MELK: variants seen among roughly 807,000 people sequenced by gnomAD.
The protein encoded by MELK is maternal embryonic leucine zipper kinase, also known as pEg3 kinase.
MELK carries 81 observed loss-of-function variants against 85.0 expected under a neutral mutation model. The observed-to-expected ratio is 0.95, with a 90% CI of 0.80 to 1.15. The LOEUF is 1.15. MELK is among the 50% of genes most tolerant of loss of function. The pLI, the probability that MELK is intolerant of heterozygous loss-of-function variation, is 0.00. For missense variants in MELK, 754 were observed against 777.5 expected (o/e 0.97, Z 0.36); for synonymous variants, 252 against 265.0 (o/e 0.95, Z 0.48).
At chr9:36,643,706 G>A (rs1230520757) in intron 11 of MELK, among the ~76,000 whole-genome samples, 1 of 152,128 alleles carries the variant, frequency 6.6e-6, no homozygotes, top group African/African-American at 2.4e-5. Context: ...AGGCTGAGGT[G>A]GGCGGATCAC....
intron 10 of MELK, among the ~76,000 whole-genome samples, chr9:36,634,224 G>A (rs1828900992): frequency 6.6e-6 from 1 of 152,146 alleles, no homozygotes; most frequent in African/African-American, 2.4e-5. Context: ...GATCATGGTG[G>A]CAAATAAAAG....
chr9:36,673,852 G>A (rs1298320867), intron 16 of MELK, among the ~76,000 whole-genome samples: 1 of 151,972 alleles, frequency 6.6e-6, no homozygotes, highest in Non-Finnish European at 1.5e-5. Flanking sequence ...ATATCATTAG[G>A]GTTTTTTTGT....
chr9:36,631,183 CG>C (rs1828573388), intron 9 of MELK, among the ~76,000 whole-genome samples: 1 of 151,648 alleles, frequency 6.6e-6, no homozygotes. Context: ...AGGCTGGTCT[CG>C]AACTCCTGAC....
chr9:36,574,430 CAAAAA>C (rs78915626), intron 1 of MELK, among the ~76,000 whole-genome samples: 2 of 79,920 alleles, frequency 2.5e-5, no homozygotes, highest in African/African-American at 3.6e-5. Context: ...ACTAAAAATA[CAAAAA>C]AAAAAAAAAA....
intron 8 of MELK, among the ~76,000 whole-genome samples, chr9:36,615,814 G>C (rs1182545154): frequency 6.7e-6 from 1 of 149,116 alleles, no homozygotes; most frequent in Non-Finnish European, 1.5e-5. Context: ...GGGAAGAGGC[G>C]CTCCTCACTT....
intron 1 of MELK, among the ~76,000 whole-genome samples, chr9:36,579,740 T>C (rs1489652035): frequency 2.0e-5 from 3 of 152,228 alleles, no homozygotes; most frequent in Non-Finnish European, 2.9e-5. Flanking sequence ...AAGATGGAGA[T>C]GGTATGAGTG....
intron 4 of MELK, among the ~76,000 whole-genome samples, chr9:36,590,638 C>T (rs1195725812): frequency 1.3e-5 from 2 of 152,198 alleles, no homozygotes; most frequent in African/African-American, 4.8e-5. Context: ...CAAGCAATTT[C>T]AAGTTTTAAC....
chr9:36,649,466 G>A (rs1830498384), intron 11 of MELK, among the ~76,000 whole-genome samples: 2 of 151,846 alleles, frequency 1.3e-5, no homozygotes, highest in East Asian at 1.9e-4. Context: ...CAGCCTGGGC[G>A]ACAGAGCAAA....
chr9:36,635,368 A>G (rs1829031693), intron 10 of MELK, among the ~76,000 whole-genome samples: 1 of 152,012 alleles, frequency 6.6e-6, no homozygotes, highest in Admixed American at 6.6e-5. Context: ...GTTTCAAGCA[A>G]TTCTCCTGCC....
At position 36,677,310 on chromosome 9, in the gene MELK, A is replaced by G; in HGVS notation, c.1929A>G (p.Glu643=). 1 of 1,613,506 alleles carries G rather than the reference A, an allele frequency of 6.2e-7. No homozygotes were observed. The highest frequency in any genetic ancestry group is 8.5e-7 in the Non-Finnish European group (1 of 1,179,710). The change falls in exon 18 of 18, where the codon GAA becomes GAG. Residue 643 remains glutamate, a synonymous_variant. Transcript: ENST00000298048. Reference sequence around the variant, plus strand: ...CCTGGGTTTACAAAAGATTAGTGGAAGACATCCTATCTAGCTGCAAGGTAT... The same window carrying G: ...CCTGGGTTTACAAAAGATTAGTGGAGGACATCCTATCTAGCTGCAAGGTAT... ...GDAWVYKRLV[E]DILSSCKV is the part of the protein sequence containing the mutation.
chr9:36,606,579 CATATGTATAGG>C lies in MELK; in HGVS notation c.568-995_568-985del, dbSNP rs1564151997. Reference sequence around the variant, plus strand: ...GTGTGTATATAATATATAATATATACATATGTATAGGTGTGTATATAATATATACATATGTA... The same window carrying C: ...GTGTGTATATAATATATAATATATACTGTGTATATAATATATACATATGTA... On this transcript the variant is annotated intron_variant, in intron 7 of 17. Coordinates refer to ENST00000298048, the MANE Select transcript of MELK (RefSeq NM_014791.4). 1.6e-4 allele frequency among the ~76,000 whole-genome samples: 23 copies of C among 141,016 alleles called. 1 individual carries two copies. Among genetic ancestry groups the C allele is most frequent in the Admixed American group, 5.1e-4 (7 of 13,720 alleles). The allele number at this position is 141,016 out of a possible 152,430, so 92.5% of individuals were successfully genotyped here.
chr9:36,585,554 A>C (rs1587329679), intron 3 of MELK, among the ~76,000 whole-genome samples: 1 of 151,318 alleles, frequency 6.6e-6, no homozygotes, highest in African/African-American at 2.4e-5. Context: ...TGATGCACCC[A>C]CCTCGGCCTC....
chr9:36,584,044 C>T (rs955234124), intron 3 of MELK, among the ~76,000 whole-genome samples: 6 of 151,934 alleles, frequency 3.9e-5, no homozygotes, highest in African/African-American at 1.5e-4. Context: ...CTCGCTCTGT[C>T]GCCCAGGCTG....
chr9:36,622,234 G>A (rs760431073), intron 8 of MELK, among the ~76,000 whole-genome samples: 1 of 152,080 alleles, frequency 6.6e-6, no homozygotes, highest in East Asian at 1.9e-4. Context: ...GAAATTTATT[G>A]TAATCTTGGC....
In MELK at chr9:36,669,360, A is replaced by G. The variant is rs780877310; in HGVS notation, c.1459A>G (p.Thr487Ala). ...ETPIKIPVNS[T>A]GTDKLMTGVI... ...TCCAATTAAAATACCAGTAAATTCA[A>G]CAGGAACAGACAAGTTAATGACAGG... Residue 487 changes from threonine (T) to alanine (A), a missense_variant, in exon 15 of 18, where the codon ACA (threonine) becomes GCA (alanine). Coordinates refer to ENST00000298048, the MANE Select transcript of MELK (RefSeq NM_014791.4). 13 of 1,608,972 alleles carry G rather than the reference A, an allele frequency of 8.1e-6. 1 individual carries two copies. The South Asian group carries it at 1.5e-4, about 18-fold the overall frequency.
At chr9:36,608,048 A>C (rs557799068) in intron 8 of MELK, among the ~76,000 whole-genome samples, 1 of 152,218 alleles carries the variant, frequency 6.6e-6, no homozygotes, top group Admixed American at 6.5e-5. Flanking sequence ...TGGGAGGCTG[A>C]GACTGGCAGA....
At chr9:36,674,714 A>G (rs1291326841) in intron 16 of MELK, 120 bp from the exon 17 acceptor site, 2 of 496,570 alleles carry the variant, frequency 4.0e-6, no homozygotes, top group Admixed American at 3.8e-5. Flanking sequence ...GATATTTTTT[A>G]GGAAATAGTT....
At chr9:36,588,499 C>G (rs535356118) in intron 3 of MELK, among the ~76,000 whole-genome samples, 1 of 151,410 alleles carries the variant, frequency 6.6e-6, no homozygotes. Context: ...CCTGCCTCAG[C>G]CTCCCGAGTA....
chr9:36,621,298 A>AAAAAC (rs1827408159), intron 8 of MELK, among the ~76,000 whole-genome samples: 2 of 118,954 alleles, frequency 1.7e-5, no homozygotes, highest in African/African-American at 8.7e-5. Flanking sequence ...AAAAAAAAAA[A>AAAAAC]AAAAAAAAAA....
Sources: gnomAD v4.1 joint callset for allele counts (sites outside exome capture counted in the v4.1 genomes callset) on GRCh38, gnomAD v4.1.1 for gene constraint, MANE v1.5 for transcripts, NCBI Gene and HGNC (gene_info 2026-07-23, HGNC 2026-07-21) for gene names.